The following PTPRD variants were observed in gnomAD, a reference collection of about 807,000 sequenced individuals.
PTPRD encodes protein tyrosine phosphatase receptor type D.
In PTPRD, 34 loss-of-function variants were observed where a neutral mutation model predicts 214.5. That is an observed-to-expected ratio of 0.16 (90% CI 0.12 to 0.21). The LOEUF is 0.21. Ranked by LOEUF, PTPRD falls within the 10% of genes least tolerant of loss-of-function variation. PTPRD has a pLI of 1.00. For missense variants in PTPRD, 2,545 were observed against 2,398.7 expected (o/e 1.06, Z -1.27); for synonymous variants, 1,128 against 845.7 (o/e 1.33, Z -5.79).
intron 14 of PTPRD, among the ~76,000 whole-genome samples, chr9:8,563,005 T>G (rs1192903425): frequency 6.6e-6 from 1 of 152,030 alleles, no homozygotes; most frequent in South Asian, 2.1e-4. Context: ...GGCAGATGAG[T>G]AGATAAATAA....
chr9:8,997,808 T>C (rs1383921109), intron 11 of PTPRD, among the ~76,000 whole-genome samples: 1 of 151,966 alleles, frequency 6.6e-6, no homozygotes. Context: ...AAAGGAAAAA[T>C]TCTTGAAGGA....
At chr9:9,684,540 G>A (rs1238580690) in intron 7 of PTPRD, among the ~76,000 whole-genome samples, 1 of 151,664 alleles carries the variant, frequency 6.6e-6, no homozygotes, top group Non-Finnish European at 1.5e-5. Context: ...ATTTTAGCTG[G>A]TAATTGAGTA....
chr9:8,885,206 A>T (rs2098476917), intron 11 of PTPRD, among the ~76,000 whole-genome samples: 2 of 152,114 alleles, frequency 1.3e-5, no homozygotes, highest in Admixed American at 1.3e-4. Context: ...TCCTTTACTT[A>T]TTCACCATTC....
intron 8 of PTPRD, among the ~76,000 whole-genome samples, chr9:9,539,051 G>C (rs1000684025): frequency 2.0e-5 from 3 of 151,800 alleles, no homozygotes; most frequent in African/African-American, 7.3e-5. Flanking sequence ...AATTAAAAAA[G>C]AGAGTTCTGC....
At chr9:8,394,496 G>C (rs75239977) in intron 36 of PTPRD, among the ~76,000 whole-genome samples, 245 of 152,222 alleles carry the variant, frequency 1.6e-3, no homozygotes, top group African/African-American at 5.7e-3. Context: ...AAACTGACCA[G>C]GAAACCTGGA....
intron 4 of PTPRD, among the ~76,000 whole-genome samples, chr9:9,982,652 C>T (rs996694511): frequency 2.6e-5 from 4 of 151,802 alleles, no homozygotes; most frequent in African/African-American, 9.7e-5. Context: ...AGAGGTTATG[C>T]AAGAATCCAG....
chr9:10,067,063 G>A (rs2097900503), intron 3 of PTPRD, among the ~76,000 whole-genome samples: 1 of 151,902 alleles, frequency 6.6e-6, no homozygotes, highest in Non-Finnish European at 1.5e-5. Context: ...TGCTTATGAG[G>A]GTGATGTTGG....
At chr9:9,049,064 C>A (rs1433001388) in intron 10 of PTPRD, among the ~76,000 whole-genome samples, 1 of 152,184 alleles carries the variant, frequency 6.6e-6, no homozygotes, top group East Asian at 1.9e-4. Flanking sequence ...TGCTATATAC[C>A]AAGCATCCAA....
chr9:9,806,963 C>G (rs1310692356), intron 5 of PTPRD, among the ~76,000 whole-genome samples: 2 of 152,050 alleles, frequency 1.3e-5, no homozygotes, highest in Non-Finnish European at 2.9e-5. Flanking sequence ...AAAGGAAGAA[C>G]CTGGGGAAAA....
At chr9:8,649,996 C>A (rs1377999901) in intron 12 of PTPRD, among the ~76,000 whole-genome samples, 2 of 152,098 alleles carry the variant, frequency 1.3e-5, no homozygotes, top group African/African-American at 4.8e-5. Context: ...TGGTTCACTG[C>A]AGCCTCCACC....
At position 8,444,463 on chromosome 9, in the gene PTPRD, T is replaced by A. The variant is rs186980242; in HGVS notation, c.3988+5262A>T. ...CTGGAAAGGTATATATGAAACTCTA[T>A]ATGGCAGATATTTCTGGAGACTTAA... On this transcript the variant is annotated intron_variant, in intron 34 of 45. Coordinates refer to ENST00000381196, the MANE Select transcript of PTPRD (RefSeq NM_002839.4). Among the ~76,000 whole-genome samples, 246 of 152,182 alleles carry A rather than the reference T, an allele frequency of 1.6e-3. 1 individual carries two copies. Among genetic ancestry groups the A allele is most frequent in the African/African-American group, 5.6e-3 (232 of 41,526 alleles).
At chr9:9,840,384 G>T (rs894837967) in intron 5 of PTPRD, among the ~76,000 whole-genome samples, 1 of 150,528 alleles carries the variant, frequency 6.6e-6, no homozygotes, top group Non-Finnish European at 1.5e-5. Context: ...AATAGACTTT[G>T]TTTTTTTCCA....
chr9:8,386,472 T>C (rs1044877907), intron 37 of PTPRD, among the ~76,000 whole-genome samples: 1 of 152,232 alleles, frequency 6.6e-6, no homozygotes, highest in African/African-American at 2.4e-5. Flanking sequence ...TTTAAGAACC[T>C]GAGCCTTAAT....
At chr9:10,144,751 G>A (rs773681775) in intron 3 of PTPRD, among the ~76,000 whole-genome samples, 1 of 152,024 alleles carries the variant, frequency 6.6e-6, no homozygotes, top group Non-Finnish European at 1.5e-5. Flanking sequence ...CTGCTGAAAC[G>A]ATCTGTCAGC....
intron 26 of PTPRD, among the ~76,000 whole-genome samples, chr9:8,494,838 T>C (rs531714029): frequency 3.3e-5 from 5 of 152,306 alleles, no homozygotes; most frequent in Admixed American, 3.3e-4. Context: ...ACATTTTCTT[T>C]CTTTAAGTGG....
chr9:9,234,501 C>T (rs1280820113), intron 9 of PTPRD, among the ~76,000 whole-genome samples: 1 of 152,164 alleles, frequency 6.6e-6, no homozygotes, highest in Non-Finnish European at 1.5e-5. Flanking sequence ...CAAATTTCTG[C>T]TGCATGCTTG....
intron 10 of PTPRD, among the ~76,000 whole-genome samples, chr9:9,119,403 C>A (rs1411055650): frequency 6.6e-6 from 1 of 152,150 alleles, no homozygotes; most frequent in Non-Finnish European, 1.5e-5. Context: ...GATATATTTA[C>A]ATGAAACTCT....
At chr9:8,873,744 G>C (rs1375022497) in intron 11 of PTPRD, among the ~76,000 whole-genome samples, 2 of 152,110 alleles carry the variant, frequency 1.3e-5, no homozygotes, top group Non-Finnish European at 1.5e-5. Context: ...GGGGGACTAG[G>C]TCTCGTTGGT....
intron 21 of PTPRD, among the ~76,000 whole-genome samples, chr9:8,515,567 T>C (rs906237840): frequency 8.5e-5 from 13 of 152,192 alleles, no homozygotes; most frequent in African/African-American, 3.1e-4. Flanking sequence ...AAGTCCGTTA[T>C]GACTGTGTAC....
Sources: gnomAD v4.1 joint callset for allele counts (sites outside exome capture counted in the v4.1 genomes callset) on GRCh38, gnomAD v4.1.1 for gene constraint, MANE v1.5 for transcripts, NCBI Gene and HGNC (gene_info 2026-07-23, HGNC 2026-07-21) for gene names.